Variants in PTPN4 observed in about 807,000 individuals in gnomAD.
PTPN4 encodes the protein protein tyrosine phosphatase non-receptor type 4.
Under a neutral mutation model 135.5 loss-of-function variants are expected in PTPN4, and 49 were observed. The observed-to-expected ratio is 0.36, with a 90% CI of 0.29 to 0.46. PTPN4 has a LOEUF of 0.46. PTPN4 is among the 20% of genes least tolerant of loss of function. The pLI, the probability that PTPN4 is intolerant of heterozygous loss-of-function variation, is 1.00. For synonymous variants in PTPN4, 333 were observed against 369.9 expected (o/e 0.90, Z 1.14); for missense variants, 860 against 1,101.0 (o/e 0.78, Z 3.10).
intron 18 of PTPN4, among the ~76,000 whole-genome samples, chr2:119,951,251 A>G (rs1048333097): frequency 9.9e-5 from 15 of 152,160 alleles, no homozygotes; most frequent in Non-Finnish European, 1.9e-4. Flanking sequence ...GCATATCTAG[A>G]GTCTCTCCAA....
chr2:119,834,934 A>AT (rs1677269351), intron 2 of PTPN4, among the ~76,000 whole-genome samples: 1 of 152,032 alleles, frequency 6.6e-6, no homozygotes, highest in Admixed American at 6.6e-5. Context: ...ATTAGATATA[A>AT]CTCTTACTTA....
rs935774581 is a variant in PTPN4 at position 119,983,626 on chromosome 2, A to T, written c.*6556A>T. 3.3e-5 allele frequency: 5 copies of T among 152,382 alleles called. No individual in the cohort carries two copies. The highest frequency in any genetic ancestry group is 2.1e-4 in the South Asian group (1 of 4,832). 9.4% of individuals were successfully genotyped at this position (152,382 alleles called of 1,614,324 possible). On this transcript the variant is annotated 3_prime_UTR_variant, in exon 27 of 27. Transcript: ENST00000263708. ...AATTTATACATTTTAAAATAAAATTATCCTAGAAGTGTTGTAAACGTGGGA... is the reference window on the plus strand; with the variant it reads ...AATTTATACATTTTAAAATAAAATTTTCCTAGAAGTGTTGTAAACGTGGGA...
At chr2:119,915,267 G>T in intron 11 of PTPN4, 25 bp downstream of exon 11, 1 of 1,484,874 alleles carries the variant, frequency 6.7e-7, no homozygotes, top group South Asian at 1.3e-5. Flanking sequence ...AATAATTATT[G>T]ACATAAATGA....
chr2:119,815,199 T>A (rs1676967608), intron 2 of PTPN4, among the ~76,000 whole-genome samples: 1 of 152,212 alleles, frequency 6.6e-6, no homozygotes, highest in South Asian at 2.1e-4. Context: ...TTTTGAAGGC[T>A]TACTCTGTGA....
intron 9 of PTPN4, among the ~76,000 whole-genome samples, chr2:119,892,888 A>ATT (rs35557598): frequency 1.4e-5 from 2 of 140,112 alleles, no homozygotes; most frequent in Non-Finnish European, 1.6e-5. Context: ...TGCTGGTTGA[A>ATT]TTTTTTTTTT....
chr2:119,762,601 G>C (rs1185238697), intron 1 of PTPN4, among the ~76,000 whole-genome samples: 2 of 152,028 alleles, frequency 1.3e-5, no homozygotes, highest in Non-Finnish European at 2.9e-5. Flanking sequence ...TCTGCCCCCC[G>C]CTTGAGAGTT....
At chr2:119,892,958 G>A (rs115824084) in intron 9 of PTPN4, among the ~76,000 whole-genome samples, 1,540 of 151,136 alleles carry the variant, frequency 0.01, 14 homozygotes, top group Middle Eastern at 0.027. Context: ...AAACTTCTCA[G>A]CTCAAGCAAT....
At chr2:119,904,831 C>G (rs1231772469) in intron 10 of PTPN4, among the ~76,000 whole-genome samples, 2 of 152,114 alleles carry the variant, frequency 1.3e-5, no homozygotes, top group Non-Finnish European at 2.9e-5. Context: ...GAAATAAAGT[C>G]TTTCTGAGAT....
intron 10 of PTPN4, among the ~76,000 whole-genome samples, chr2:119,912,444 A>G (rs1479891178): frequency 6.6e-6 from 1 of 152,236 alleles, no homozygotes; most frequent in Non-Finnish European, 1.5e-5. Flanking sequence ...TCAGTTATAC[A>G]TAATAAAATG....
chr2:119,868,470 C>T (rs1411858219), intron 3 of PTPN4, among the ~76,000 whole-genome samples: 3 of 152,146 alleles, frequency 2.0e-5, no homozygotes, highest in African/African-American at 4.8e-5. Flanking sequence ...ACAGGACCCC[C>T]CAAAATCTGG....
Position 119,978,547 on chromosome 2 carries a change from A to G in PTPN4, c.*1477A>G, listed in dbSNP as rs1679649967. ...ATGGAGGATCTGATTCCCATTAAGG[A>G]TGTGGGAATTCCCGTATTTTCCTCT... On this transcript the variant is annotated 3_prime_UTR_variant, in exon 27 of 27. Coordinates refer to ENST00000263708, the MANE Select transcript of PTPN4 (RefSeq NM_002830.4). 6.6e-6 allele frequency: 1 copy of G among 152,138 alleles called. No homozygotes were observed. The highest frequency in any genetic ancestry group is 2.4e-5 in the African/African-American group (1 of 41,434). The allele number at this position is 152,138 out of a possible 1,614,324, so 9.4% of individuals were successfully genotyped here. A position where few individuals can be genotyped will look rare whatever the true frequency, so the allele number is the denominator to read the frequency against.
chr2:119,788,064 A>G (rs754171871), intron 1 of PTPN4, among the ~76,000 whole-genome samples: 2 of 152,184 alleles, frequency 1.3e-5, no homozygotes, highest in Non-Finnish European at 2.9e-5. Flanking sequence ...TATTAAACAA[A>G]ATTAAAGTTT....
intron 11 of PTPN4, among the ~76,000 whole-genome samples, chr2:119,919,506 G>T (rs1445683851): frequency 6.6e-6 from 1 of 152,082 alleles, no homozygotes; most frequent in African/African-American, 2.4e-5. Flanking sequence ...TATGATCTAA[G>T]GTTAAAGTTC....
At chr2:119,783,006 T>TA (rs1690972805) in intron 1 of PTPN4, among the ~76,000 whole-genome samples, 3 of 151,708 alleles carry the variant, frequency 2.0e-5, no homozygotes, top group Admixed American at 2.0e-4. Context: ...TCCCTTTTTT[T>TA]TTTTTTACTA....
chr2:119,884,192 C>G (rs1678121890), intron 8 of PTPN4, among the ~76,000 whole-genome samples: 1 of 152,240 alleles, frequency 6.6e-6, no homozygotes, highest in Non-Finnish European at 1.5e-5. Flanking sequence ...GCCACCACGC[C>G]CAGCCCCTAT....
At chr2:119,887,961 A>G (rs1678184103) in intron 9 of PTPN4, among the ~76,000 whole-genome samples, 1 of 152,168 alleles carries the variant, frequency 6.6e-6, no homozygotes, top group South Asian at 2.1e-4. Context: ...TGCTCTGGCA[A>G]TATGGTCATT....
intron 2 of PTPN4, among the ~76,000 whole-genome samples, chr2:119,833,964 A>G (rs902424855): frequency 2.0e-5 from 3 of 151,752 alleles, no homozygotes; most frequent in Admixed American, 6.6e-5. Context: ...ACATTTTTCC[A>G]CCTGTTTGTG....
chr2:119,970,982 C>T (rs1187782775), intron 26 of PTPN4, among the ~76,000 whole-genome samples: 2 of 152,164 alleles, frequency 1.3e-5, no homozygotes, highest in Non-Finnish European at 1.5e-5. Context: ...TTTTAGCCAT[C>T]CTGCTGGGTA....
intron 3 of PTPN4, among the ~76,000 whole-genome samples, chr2:119,867,007 T>C (rs999119930): frequency 2.0e-5 from 3 of 152,074 alleles, no homozygotes; most frequent in Non-Finnish European, 4.4e-5. Flanking sequence ...TGCACAGAAG[T>C]GTTTAAGAAA....
Sources: allele counts gnomAD v4.1 joint callset (sites outside exome capture counted in the v4.1 genomes callset), GRCh38; gene constraint gnomAD v4.1.1; transcripts MANE v1.5; gene names NCBI Gene and HGNC (gene_info 2026-07-23, HGNC 2026-07-21).